THSD7B: variants seen among roughly 807,000 people sequenced by gnomAD.
The protein encoded by THSD7B is thrombospondin type 1 domain containing 7B.
In THSD7B, 138 loss-of-function variants were observed where a neutral mutation model predicts 213.6. That is an observed-to-expected ratio of 0.65 (90% CI 0.56 to 0.74). THSD7B has a LOEUF of 0.74. Ranked by LOEUF, THSD7B falls within the 30% of genes least tolerant of loss-of-function variation. The pLI, the probability that THSD7B is intolerant of heterozygous loss-of-function variation, is 0.00. For synonymous variants in THSD7B, 742 were observed against 687.0 expected (o/e 1.08, Z -1.25); for missense variants, 1,931 against 1,991.5 (o/e 0.97, Z 0.58).
chr2:136,977,468 G>A (rs2104804781), intron 2 of THSD7B, among the ~76,000 whole-genome samples: 1 of 152,130 alleles, frequency 6.6e-6, no homozygotes, highest in South Asian at 2.1e-4. Context: ...CTTCAGTGCT[G>A]CTCTGATCTT....
intron 12 of THSD7B, among the ~76,000 whole-genome samples, chr2:137,342,356 C>G (rs1386817917): frequency 6.7e-6 from 1 of 149,554 alleles, no homozygotes; most frequent in Non-Finnish European, 1.5e-5. Context: ...GATTTTGTAT[C>G]CTGAAACTTT....
chr2:136,938,034 T>C (rs1279244582), intron 2 of THSD7B, among the ~76,000 whole-genome samples: 1 of 152,038 alleles, frequency 6.6e-6, no homozygotes, highest in Non-Finnish European at 1.5e-5. Flanking sequence ...CTTTAAGAGG[T>C]GAAAGAAGTC....
At chr2:137,657,839 T>C (rs12691919) in intron 24 of THSD7B, among the ~76,000 whole-genome samples, 83,057 of 151,878 alleles carry the variant, frequency 0.55, 22,912 homozygotes, top group Non-Finnish European at 0.57. Context: ...CTCAGCTTCC[T>C]GAGTAGTTGG....
chr2:136,931,036 A>G (rs1326311231), intron 2 of THSD7B, among the ~76,000 whole-genome samples: 1 of 152,008 alleles, frequency 6.6e-6, no homozygotes, highest in Non-Finnish European at 1.5e-5. Flanking sequence ...GGTTAGAAAA[A>G]GCCATTTTTC....
At chr2:136,891,083 G>A (rs1683847127) in intron 2 of THSD7B, among the ~76,000 whole-genome samples, 1 of 150,546 alleles carries the variant, frequency 6.6e-6, no homozygotes, top group Non-Finnish European at 1.5e-5. Context: ...AATTTGTAAG[G>A]TCTTTTACTT....
At chr2:137,662,498 T>C (rs977256107) in intron 25 of THSD7B, among the ~76,000 whole-genome samples, 1 of 152,064 alleles carries the variant, frequency 6.6e-6, no homozygotes, top group Non-Finnish European at 1.5e-5. Flanking sequence ...TGCCTGACAT[T>C]CCTGGTGGGG....
Position 137,083,370 on chromosome 2 carries a change from T to G in THSD7B, c.951-11503T>G, listed in dbSNP as rs112105669. On this transcript the variant is annotated intron_variant, in intron 3 of 27. Transcript: ENST00000409968. ...ATTTTTTGGTAGTTTAAAAATCACT[T>G]TTAATATTTTCAAAATTGCCTTCTC... Among the ~76,000 whole-genome samples, 169 of 152,264 alleles carry G rather than the reference T, an allele frequency of 1.1e-3. 1 individual carries two copies. Among genetic ancestry groups the G allele is most frequent in the African/African-American group, 4.0e-3 (165 of 41,582 alleles).
intron 20 of THSD7B, among the ~76,000 whole-genome samples, chr2:137,624,013 A>G (rs1415865542): frequency 6.6e-6 from 1 of 152,250 alleles, no homozygotes; most frequent in African/African-American, 2.4e-5. Context: ...AAGAGCCCAC[A>G]TTGCCAAGAC....
intron 17 of THSD7B, among the ~76,000 whole-genome samples, chr2:137,614,003 A>G (rs1458896787): frequency 6.6e-6 from 1 of 152,150 alleles, no homozygotes; most frequent in African/African-American, 2.4e-5. Flanking sequence ...TATAAGATGA[A>G]GTGTGAAAAT....
chr2:137,654,714 T>A (rs1249023442), intron 21 of THSD7B, among the ~76,000 whole-genome samples: 1 of 152,196 alleles, frequency 6.6e-6, no homozygotes, highest in Non-Finnish European at 1.5e-5. Flanking sequence ...CTCTGAGATA[T>A]GGCTGATGAT....
At chr2:137,508,524 C>T (rs1309495540) in intron 15 of THSD7B, among the ~76,000 whole-genome samples, 2 of 150,506 alleles carry the variant, frequency 1.3e-5, no homozygotes, top group Non-Finnish European at 3.0e-5. Flanking sequence ...CTACAGGCGC[C>T]TGCCACCATG....
At chr2:136,991,190 G>T (rs1239112698) in intron 2 of THSD7B, among the ~76,000 whole-genome samples, 1 of 152,120 alleles carries the variant, frequency 6.6e-6, no homozygotes, top group African/African-American at 2.4e-5. Flanking sequence ...ATACAATGCT[G>T]GGTTTTGGTG....
chr2:137,414,837 C>T (rs907545456), intron 14 of THSD7B, among the ~76,000 whole-genome samples: 8 of 152,134 alleles, frequency 5.3e-5, no homozygotes, highest in Non-Finnish European at 1.2e-4. Context: ...AGGTGGATCA[C>T]TTGAGGCCAT....
At chr2:137,192,509 T>C (rs1355571150) in intron 7 of THSD7B, among the ~76,000 whole-genome samples, 1 of 152,012 alleles carries the variant, frequency 6.6e-6, no homozygotes, top group Non-Finnish European at 1.5e-5. Context: ...AGAAGAGAGA[T>C]GGGAAATTGA....
At position 137,301,217 on chromosome 2, in the gene THSD7B, C is replaced by A. The variant is rs1375563779; in HGVS notation, c.2500+25191C>A. ...CCCAGCTTCCTTTTGAACTGCTGCT[C>A]CTGAGTTTCCCTTTATGGTTCCCAG... On this transcript the variant is annotated intron_variant, in intron 12 of 27. Coordinates refer to ENST00000409968, the MANE Select transcript of THSD7B (RefSeq NM_001316349.2). 1.7e-4 allele frequency among the ~76,000 whole-genome samples: 26 copies of A among 152,058 alleles called. 1 individual carries two copies. Among genetic ancestry groups the A allele is most frequent in the Non-Finnish European group, 1.5e-5 (1 of 68,030 alleles).
rs541947539 is a variant in THSD7B at position 137,159,863 on chromosome 2, T to C, written c.1370-350T>C. Among the ~76,000 whole-genome samples, 6 of 152,294 alleles carry C rather than the reference T, an allele frequency of 3.9e-5. No homozygotes were observed. In the South Asian group the frequency reaches 1.2e-3, roughly 32 times the overall value. On this transcript the variant is annotated intron_variant, in intron 5 of 27. Coordinates refer to ENST00000409968, the MANE Select transcript of THSD7B (RefSeq NM_001316349.2). ...GACCTAGTCATTTATATAGATGAGATAGACTCATCTTGAAACTTCACAAAG... is the reference window on the plus strand; with the variant it reads ...GACCTAGTCATTTATATAGATGAGACAGACTCATCTTGAAACTTCACAAAG...
intron 17 of THSD7B, among the ~76,000 whole-genome samples, chr2:137,588,605 C>T (rs909349073): frequency 1.7e-4 from 26 of 151,664 alleles, no homozygotes; most frequent in Admixed American, 1.4e-3. Context: ...TAAAAAGATC[C>T]ATTGAAATCC....
intron 19 of THSD7B, 104 bp downstream of exon 19, chr2:137,618,611 A>T: frequency 9.7e-7 from 1 of 1,030,180 alleles, no homozygotes; most frequent in Non-Finnish European, 1.4e-6. Flanking sequence ...ATTTCTTCTC[A>T]TCTCAGCTTA....
At chr2:137,385,496 T>G (rs1381987062) in intron 12 of THSD7B, among the ~76,000 whole-genome samples, 2 of 152,196 alleles carry the variant, frequency 1.3e-5, no homozygotes, top group East Asian at 1.9e-4. Context: ...TCCACAGTAC[T>G]TGGCACCTTG....
Sources: gnomAD v4.1 joint callset for allele counts (sites outside exome capture counted in the v4.1 genomes callset) on GRCh38, gnomAD v4.1.1 for gene constraint, MANE v1.5 for transcripts, NCBI Gene and HGNC (gene_info 2026-07-23, HGNC 2026-07-21) for gene names.